Variants in PFKFB2 observed in about 807,000 individuals in gnomAD.
PFKFB2 encodes 6-phosphofructo-2-kinase/fructose-2,6-bisphosphatase 2.
In PFKFB2, 53 loss-of-function variants were observed where a neutral mutation model predicts 68.0. That is an observed-to-expected ratio of 0.78 (90% CI 0.63 to 0.98). The LOEUF is 0.98. Among genes scored for constraint, PFKFB2 ranks in the 50% least tolerant of loss-of-function variants. The pLI is 0.00. For missense variants in PFKFB2, 451 were observed against 642.0 expected (o/e 0.70, Z 3.22); for synonymous variants, 222 against 227.6 (o/e 0.98, Z 0.22).
At position 207,070,998 on chromosome 1, in the gene PFKFB2, T is replaced by C. The variant is rs578199096; in HGVS notation, c.1223-190T>C. Among the ~76,000 whole-genome samples the C allele has an allele frequency of 6.6e-6, 1 of 152,294 alleles. No individual in the cohort carries two copies. Among genetic ancestry groups the C allele is most frequent in the South Asian group, 2.1e-4 (1 of 4,824 alleles). Reference sequence around the variant, plus strand: ...CGTGGAAGGATCTAAGATGGCCTTATTTCCTTCCTTAGCCACTCAGAAGGT... The same window carrying C: ...CGTGGAAGGATCTAAGATGGCCTTACTTCCTTCCTTAGCCACTCAGAAGGT... On this transcript the variant is annotated intron_variant, in intron 12 of 14. Transcript: ENST00000367080. The surrounding 1 kb of genome is among the most constrained non-coding windows in gnomAD (Gnocchi z 4.2).
At position 207,075,468 on chromosome 1, in the gene PFKFB2, T is replaced by C. The variant is rs929089302; in HGVS notation, c.*3097T>C. 5 of 985,296 alleles carry C rather than the reference T, an allele frequency of 5.1e-6. No homozygotes were observed. In the African/African-American group the frequency reaches 7.0e-5, roughly 14 times the overall value. The allele number at this position is 985,296 out of a possible 1,614,324, so 61.0% of individuals were successfully genotyped here. On this transcript the variant is annotated 3_prime_UTR_variant, in exon 15 of 15. Transcript: ENST00000367080. ...AGAAGTTTCAGCTCTACTTCTCATC[T>C]TTTCTCTCCTGGTCTTACTTGAATG...
At chr1:207,054,466 G>A (rs1218412750) in intron 1 of PFKFB2, among the ~76,000 whole-genome samples, 3 of 152,202 alleles carry the variant, frequency 2.0e-5, no homozygotes, top group Non-Finnish European at 2.9e-5. Context: ...GATAACGTCT[G>A]TAAATGTAGA....
At position 207,077,345 on chromosome 1, in the gene PFKFB2, G is replaced by T. The variant is rs1490940946; in HGVS notation, c.*4974G>T. 3 of 984,854 alleles carry T rather than the reference G, an allele frequency of 3.0e-6. No individual in the cohort carries two copies. Among genetic ancestry groups the T allele is most frequent in the African/African-American group, 1.7e-5 (1 of 57,226 alleles). 61.0% of individuals were successfully genotyped at this position (984,854 alleles called of 1,614,324 possible). On this transcript the variant is annotated 3_prime_UTR_variant, in exon 15 of 15. Transcript: ENST00000367080. ...TGGCATTTAAAAATTGATTTTAAGG[G>T]TTGGCAAAAGTATTTTTTCCAGTAA...
chr1:207,068,762 T>G (rs1039103903), intron 10 of PFKFB2, among the ~76,000 whole-genome samples: 1 of 152,214 alleles, frequency 6.6e-6, no homozygotes, highest in Admixed American at 6.5e-5. Context: ...TTTTTTTTTT[T>G]TGTGACACGG....
At chr1:207,050,569 CT>C (rs1408108618), upstream of PFKFB2, 2 of 1,356,794 alleles carry the variant, frequency 1.5e-6, no homozygotes, top group Non-Finnish European at 2.0e-6. Context: ...ATCCTCGCCC[CT>C]GGCCTCAAAG....
In PFKFB2 at chr1:207,047,402, T is replaced by C. The variant is rs577857215; in HGVS notation, c.-18+5190T>C. On this transcript the variant is annotated intron_variant, in intron 2 of 5. Coordinates refer to the PFKFB2 transcript ENST00000545806. The stretch of plus-strand genomic sequence containing the variant: ...TGTTCCTTAATTTTATATGGCCACC[T>C]TCACCAAGTGAAAGTGCTAAAAATA... 156 of 152,640 alleles carry C rather than the reference T, an allele frequency of 1.0e-3. 1 individual carries two copies. The highest frequency in any genetic ancestry group is 3.6e-3 in the African/African-American group (150 of 41,578). The allele number at this position is 152,640 out of a possible 1,614,324, so 9.5% of individuals were successfully genotyped here. A position where few individuals can be genotyped will look rare whatever the true frequency, so the allele number is the denominator to read the frequency against.
chr1:207,044,368 C>G (rs1051407407), intron 2 of PFKFB2: 4 of 152,466 alleles, frequency 2.6e-5, no homozygotes, highest in South Asian at 2.1e-4. Flanking sequence ...TGAATGGCAC[C>G]AATGTGACTG....
intron 2 of PFKFB2, chr1:207,046,345 A>T (rs1682601449): frequency 6.6e-6 from 1 of 152,114 alleles, no homozygotes; most frequent in African/African-American, 2.4e-5. Flanking sequence ...TCCCTTTAAT[A>T]ACTAATTCCA....
intron 4 of PFKFB2, among the ~76,000 whole-genome samples, 159 bp downstream of exon 4, chr1:207,062,875 G>T (rs776978133): frequency 2.0e-5 from 3 of 152,182 alleles, no homozygotes; most frequent in Admixed American, 2.0e-4. Flanking sequence ...GTGGTCAGAA[G>T]AACAGGGCTC....
chr1:207,073,321 A>G lies in PFKFB2; in HGVS notation c.*950A>G, dbSNP rs967666596. 2 of 985,392 alleles carry G rather than the reference A, an allele frequency of 2.0e-6. No individual in the cohort carries two copies. Among genetic ancestry groups the G allele is most frequent in the Non-Finnish European group, 2.4e-6 (2 of 829,960 alleles). 61.0% of individuals were successfully genotyped at this position (985,392 alleles called of 1,614,324 possible). ...AGAGAGCAGTCATGTCTTTTCTCCC[A>G]TGACTCTCAGGTTCTTTGCCAATCA... On this transcript the variant is annotated 3_prime_UTR_variant, in exon 15 of 15. Transcript: ENST00000367080.
chr1:207,070,196 C>G lies in PFKFB2; in HGVS notation c.1093-84C>G. 5 of 1,510,274 alleles carry G rather than the reference C, an allele frequency of 3.3e-6. No individual in the cohort carries two copies. 93.6% of individuals were successfully genotyped at this position (1,510,274 alleles called of 1,614,324 possible). On this transcript the variant is annotated intron_variant, in intron 11 of 14. Transcript: ENST00000367080. This position sits in a 1 kb window ranked among gnomAD's most constrained non-coding sequence, Gnocchi z 4.2. ...AAGCCAGCTGAGGAAGAAGAAGTGGCCCTTAGTCTCCAAGGTCCAGCCACT... is the reference window on the plus strand; with the variant it reads ...AAGCCAGCTGAGGAAGAAGAAGTGGGCCTTAGTCTCCAAGGTCCAGCCACT...
chr1:207,065,208 C>G (rs775222842), intron 8 of PFKFB2, 48 bp downstream of exon 8: 3 of 1,602,426 alleles, frequency 1.9e-6, no homozygotes, highest in Admixed American at 1.7e-5. Context: ...AAGGTCTCAT[C>G]TGGGAAAATA....
At chr1:207,050,580 G>GCC, upstream of PFKFB2, 2 of 1,469,154 alleles carry the variant, frequency 1.4e-6, no homozygotes, top group Non-Finnish European at 1.9e-6. Flanking sequence ...TGGCCTCAAA[G>GCC]CCCCCCCGCC....
At position 207,061,151 on chromosome 1, in the gene PFKFB2, ATT is replaced by A. The variant is rs1558059634; in HGVS notation, c.86-800_86-799del. 1.2e-3 allele frequency among the ~76,000 whole-genome samples: 98 copies of A among 84,130 alleles called. 2 individuals carry two copies. Among genetic ancestry groups the A allele is most frequent in the African/African-American group, 5.9e-3 (90 of 15,326 alleles). 55.2% of individuals were successfully genotyped at this position (84,130 alleles called of 152,430 possible). On this transcript the variant is annotated intron_variant, in intron 2 of 14. Transcript: ENST00000367080. ...TATCTTTATATATATCTTTATATAT[ATT>A]TATATATATCTTTATATATATATAT...
In PFKFB2 at chr1:207,069,518, C is replaced by T. The variant is rs1311313688; in HGVS notation, c.1082C>T (p.Pro361Leu). The change falls in exon 11 of 15, where the codon CCT (proline) becomes CTT (leucine). Residue 361 changes from proline (P) to leucine (L), a missense_variant. Physicochemically the swap from Pro to Leu is moderately conservative, Grantham distance 98. Coordinates refer to ENST00000367080, the MANE Select transcript of PFKFB2 (RefSeq NM_006212.2). ...RDQEKYLYRYPGGESYQDLVQ... is the reference protein window; with the variant it reads ...RDQEKYLYRYLGGESYQDLVQ... Reference sequence around the variant, plus strand: ...CAAGAGAAGTATCTGTATCGATATCCTGGTGGGGAGGTAAGACGCCCCTGT... The same window carrying T: ...CAAGAGAAGTATCTGTATCGATATCTTGGTGGGGAGGTAAGACGCCCCTGT... The T allele has an allele frequency of 6.2e-7, 1 of 1,609,172 alleles. No homozygotes were observed. The highest frequency in any genetic ancestry group is 8.5e-7 in the Non-Finnish European group (1 of 1,175,560).
chr1:207,039,348 T>G (rs1366767707), intron 1 of PFKFB2, among the ~76,000 whole-genome samples: 1 of 152,226 alleles, frequency 6.6e-6, no homozygotes, highest in African/African-American at 2.4e-5. Flanking sequence ...CTGTAAAATT[T>G]TGTCCATAAT....
At position 207,075,388 on chromosome 1, in the gene PFKFB2, C is replaced by G; in HGVS notation, c.*3017C>G. The G allele has an allele frequency of 1.0e-6, 1 of 985,434 alleles. No homozygotes were observed. Among genetic ancestry groups the G allele is most frequent in the African/African-American group, 1.7e-5 (1 of 57,372 alleles). The allele number at this position is 985,434 out of a possible 1,614,324, so 61.0% of individuals were successfully genotyped here. On this transcript the variant is annotated 3_prime_UTR_variant, in exon 15 of 15. Coordinates refer to ENST00000367080, the MANE Select transcript of PFKFB2 (RefSeq NM_006212.2). Reference sequence around the variant, plus strand: ...GCAAGATCCCTTCAGAGAAGTCTAGCAGGAAGAAGCCAGGAGAATGTAGAA... The same window carrying G: ...GCAAGATCCCTTCAGAGAAGTCTAGGAGGAAGAAGCCAGGAGAATGTAGAA...
chr1:207,044,908 A>G (rs1025180885), intron 2 of PFKFB2: 1 of 152,530 alleles, frequency 6.6e-6, no homozygotes, highest in African/African-American at 2.4e-5. Context: ...TTCAACATCA[A>G]TAATAATTTT....
At chr1:207,052,668 A>C (rs1421258499), upstream of PFKFB2, among the ~76,000 whole-genome samples, 1 of 152,024 alleles carries the variant, frequency 6.6e-6, no homozygotes, top group Non-Finnish European at 1.5e-5. Flanking sequence ...ACAAAAACCA[A>C]ACCAAACCAA....
Sources: gnomAD v4.1 joint callset for allele counts (sites outside exome capture counted in the v4.1 genomes callset) on GRCh38, gnomAD v4.1.1 for gene constraint, Gnocchi (gnomAD v3.1) non-coding constraint, MANE v1.5 for transcripts, NCBI Gene and HGNC (gene_info 2026-07-23, HGNC 2026-07-21) for gene names.